NECAB1: variants seen among roughly 807,000 people sequenced by gnomAD.
NECAB1 encodes the protein N-terminal EF-hand calcium-binding protein 1.
NECAB1 carries 29 observed loss-of-function variants against 57.5 expected under a neutral mutation model. That is an observed-to-expected ratio of 0.50 (90% confidence interval 0.38 to 0.69). NECAB1 has a LOEUF of 0.69. Among genes scored for constraint, NECAB1 ranks in the 30% least tolerant of loss-of-function variants. The probability of loss-of-function intolerance (pLI) is 0.00; values close to 1 mark genes in which losing one functional copy is unlikely to be tolerated. For missense variants in NECAB1, 372 were observed against 413.8 expected (o/e 0.90, Z 0.88); for synonymous variants, 142 against 147.7 (o/e 0.96, Z 0.28).
chr8:90,837,601 A>C (rs1812389606), intron 3 of NECAB1, among the ~76,000 whole-genome samples: 2 of 152,270 alleles, frequency 1.3e-5, no homozygotes, highest in Non-Finnish European at 2.9e-5. Context: ...CTGTAATTGA[A>C]AAATGATTGA....
intron 3 of NECAB1, among the ~76,000 whole-genome samples, chr8:90,861,311 G>A (rs1812897444): frequency 6.6e-6 from 1 of 152,162 alleles, no homozygotes; most frequent in Non-Finnish European, 1.5e-5. Context: ...TGGCAGGGAT[G>A]ACACATAATT....
intron 8 of NECAB1, 150 bp from the exon 9 acceptor site, chr8:90,934,154 T>G (rs551759041): frequency 6.9e-6 from 4 of 581,114 alleles, no homozygotes; most frequent in South Asian, 2.5e-5. Flanking sequence ...AACAGCTGAG[T>G]TTTAAAAAAA....
rs553715742 is a variant in NECAB1 at position 90,794,769 on chromosome 8, T to C, written c.99+2784T>C. On this transcript the variant is annotated intron_variant, in intron 1 of 12. Coordinates refer to ENST00000417640, the MANE Select transcript of NECAB1 (RefSeq NM_022351.5). ...AAAAGTATTGCATAAATTTGAAGTA[T>C]TATGGTTATTTCAGTGCTGCACACT... Among the ~76,000 whole-genome samples, 8 of 152,348 alleles carry C rather than the reference T, an allele frequency of 5.3e-5. No individual in the cohort carries two copies. In the South Asian group the frequency reaches 1.7e-3, roughly 32 times the overall value.
intron 3 of NECAB1, among the ~76,000 whole-genome samples, chr8:90,862,504 T>G (rs1808420471): frequency 6.6e-6 from 1 of 152,178 alleles, no homozygotes; most frequent in Non-Finnish European, 1.5e-5. Flanking sequence ...ATTTTAGTTT[T>G]AGAAACCTTA....
intron 3 of NECAB1, among the ~76,000 whole-genome samples, chr8:90,845,707 T>C (rs1464208514): frequency 6.6e-6 from 1 of 152,228 alleles, no homozygotes; most frequent in Non-Finnish European, 1.5e-5. Context: ...AATCAAAGTG[T>C]AAATGCTTTC....
chr8:90,929,774 T>G (rs145802299), intron 8 of NECAB1, among the ~76,000 whole-genome samples: 2 of 152,190 alleles, frequency 1.3e-5, no homozygotes, highest in Non-Finnish European at 2.9e-5. Flanking sequence ...TAATATTTGC[T>G]ATGGAGAAGT....
intron 10 of NECAB1, among the ~76,000 whole-genome samples, chr8:90,946,158 A>C (rs1810800640): frequency 1.3e-5 from 2 of 152,186 alleles, no homozygotes; most frequent in African/African-American, 4.8e-5. Flanking sequence ...TCATTGCCCC[A>C]TATTGGTCTT....
At chr8:90,864,675 C>T (rs1001635749) in intron 3 of NECAB1, among the ~76,000 whole-genome samples, 3 of 152,020 alleles carry the variant, frequency 2.0e-5, no homozygotes, top group African/African-American at 7.2e-5. Context: ...TTTATGCTGT[C>T]CCACTCCTTC....
chr8:90,866,800 C>T (rs183424517), intron 3 of NECAB1, among the ~76,000 whole-genome samples: 434 of 152,092 alleles, frequency 2.9e-3, no homozygotes, highest in Non-Finnish European at 3.7e-3. Context: ...TTTACACTGT[C>T]GGTGGGAATG....
At chr8:90,792,477 GT>G (rs951929946) in intron 1 of NECAB1, among the ~76,000 whole-genome samples, 17 of 152,114 alleles carry the variant, frequency 1.1e-4, no homozygotes, top group African/African-American at 4.1e-4. Flanking sequence ...GAGCATATTT[GT>G]TTTTCTTTTT....
intron 3 of NECAB1, among the ~76,000 whole-genome samples, chr8:90,837,559 C>T (rs993307299): frequency 3.3e-5 from 5 of 152,044 alleles, no homozygotes; most frequent in South Asian, 4.1e-4. Context: ...ACTGAAACTA[C>T]GAAAAGTGAA....
At chr8:90,911,501 G>T (rs748864286) in intron 5 of NECAB1, among the ~76,000 whole-genome samples, 8 of 152,008 alleles carry the variant, frequency 5.3e-5, no homozygotes, top group Non-Finnish European at 1.2e-4. Flanking sequence ...AAAAATTTTT[G>T]ATAAATTTTG....
chr8:90,863,576 A>AC (rs1808449652), intron 3 of NECAB1, among the ~76,000 whole-genome samples: 1 of 152,076 alleles, frequency 6.6e-6, no homozygotes, highest in African/African-American at 2.4e-5. Flanking sequence ...ATTTGGTGGA[A>AC]CCCCCTTATT....
intron 3 of NECAB1, among the ~76,000 whole-genome samples, chr8:90,847,776 G>A (rs1245591971): frequency 6.6e-6 from 1 of 152,176 alleles, no homozygotes; most frequent in Non-Finnish European, 1.5e-5. Context: ...ACTGTATCTT[G>A]GCCCCTTTTA....
chr8:90,829,647 A>G (rs1479827554), intron 3 of NECAB1, among the ~76,000 whole-genome samples: 1 of 152,048 alleles, frequency 6.6e-6, no homozygotes, highest in Non-Finnish European at 1.5e-5. Context: ...AAGCTAAAAC[A>G]ATTTTTTGGG....
At chr8:90,912,932 C>T (rs1809863153) in intron 5 of NECAB1, among the ~76,000 whole-genome samples, 3 of 151,966 alleles carry the variant, frequency 2.0e-5, no homozygotes, top group South Asian at 2.1e-4. Context: ...ACAAGAATGG[C>T]GAGAGCTGCA....
At chr8:90,826,140 T>G (rs1812221069) in intron 3 of NECAB1, among the ~76,000 whole-genome samples, 2 of 151,750 alleles carry the variant, frequency 1.3e-5, no homozygotes, top group Non-Finnish European at 2.9e-5. Flanking sequence ...AATATTCTAA[T>G]CAGAGGGAGA....
chr8:90,843,745 C>G (rs1390411774), intron 3 of NECAB1, among the ~76,000 whole-genome samples: 1 of 152,198 alleles, frequency 6.6e-6, no homozygotes, highest in African/African-American at 2.4e-5. Context: ...TTTTGGACAG[C>G]AGTACTTCCT....
chr8:90,833,083 G>T (rs1812317907), intron 3 of NECAB1, among the ~76,000 whole-genome samples: 1 of 151,980 alleles, frequency 6.6e-6, no homozygotes, highest in South Asian at 2.1e-4. Flanking sequence ...TACAGTGTGG[G>T]AGTTGCTACA....
Sources: allele counts gnomAD v4.1 joint callset (sites outside exome capture counted in the v4.1 genomes callset), GRCh38; gene constraint gnomAD v4.1.1; transcripts MANE v1.5; gene names NCBI Gene and HGNC (gene_info 2026-07-23, HGNC 2026-07-21).